TDRD3: variants seen among roughly 807,000 people sequenced by gnomAD.
TDRD3 encodes the protein tudor domain-containing protein 3.
In TDRD3, 45 loss-of-function variants were observed where a neutral mutation model predicts 86.7. That is an observed-to-expected ratio of 0.52 (90% CI 0.41 to 0.67). The LOEUF (loss-of-function observed/expected upper bound fraction) is 0.67. Among genes scored for constraint, TDRD3 ranks in the 30% least tolerant of loss-of-function variants. The pLI is 0.00. For synonymous variants in TDRD3, 298 were observed against 301.7 expected, an observed-to-expected ratio of 0.99 and a Z score of 0.13; for missense variants, 814 against 889.0, an observed-to-expected ratio of 0.92 and a Z score of 1.07.
intron 1 of TDRD3, among the ~76,000 whole-genome samples, chr13:60,413,884 A>G (rs754997821): frequency 1.3e-5 from 2 of 152,180 alleles, no homozygotes; most frequent in Non-Finnish European, 2.9e-5. Flanking sequence ...TAAAAGGTAC[A>G]GGTAGAATAT....
At chr13:60,419,561 C>G (rs563171172) in intron 1 of TDRD3, among the ~76,000 whole-genome samples, 1 of 151,918 alleles carries the variant, frequency 6.6e-6, no homozygotes, top group Non-Finnish European at 1.5e-5. Flanking sequence ...TGTTCTCACT[C>G]ATAGGTGGGA....
chr13:60,440,575 G>A (rs949059092), intron 2 of TDRD3, among the ~76,000 whole-genome samples: 2 of 151,960 alleles, frequency 1.3e-5, no homozygotes, highest in Non-Finnish European at 1.5e-5. Context: ...CAGCTACTCG[G>A]GAGGCTGAGA....
chr13:60,417,151 G>A (rs1384449418), intron 1 of TDRD3, among the ~76,000 whole-genome samples: 1 of 151,390 alleles, frequency 6.6e-6, no homozygotes, highest in Admixed American at 6.6e-5. Context: ...CAAGTAGCTA[G>A]GACTACAGGC....
At chr13:60,539,020 A>T (rs574704077) in intron 12 of TDRD3, among the ~76,000 whole-genome samples, 10 of 152,294 alleles carry the variant, frequency 6.6e-5, no homozygotes, top group African/African-American at 2.4e-4. Flanking sequence ...TTCAGCTATT[A>T]TTTCAACTAG....
At chr13:60,454,008 A>G (rs1407954537) in intron 3 of TDRD3, among the ~76,000 whole-genome samples, 1 of 152,048 alleles carries the variant, frequency 6.6e-6, no homozygotes, top group Non-Finnish European at 1.5e-5. Flanking sequence ...GTATTTACAT[A>G]TTTACAAACA....
chr13:60,405,754 A>G (rs886623259), intron 1 of TDRD3, among the ~76,000 whole-genome samples: 1 of 152,186 alleles, frequency 6.6e-6, no homozygotes, highest in Non-Finnish European at 1.5e-5. Context: ...GGCAATAGGA[A>G]TCAGTTGAAT....
chr13:60,512,731 T>C (rs955457636), intron 10 of TDRD3, among the ~76,000 whole-genome samples: 1 of 152,202 alleles, frequency 6.6e-6, no homozygotes, highest in African/African-American at 2.4e-5. Context: ...ACATCTAGGT[T>C]ATACGGATGA....
intron 12 of TDRD3, among the ~76,000 whole-genome samples, chr13:60,543,507 A>T (rs957626068): frequency 6.6e-6 from 1 of 152,114 alleles, no homozygotes; most frequent in African/African-American, 2.4e-5. Context: ...TTTTTCCTGT[A>T]TAGAACCTAT....
Position 60,509,665 on chromosome 13 carries a change from G to A in TDRD3, c.859-98G>A, listed in dbSNP as rs761171662. ...TAGAATGACATTTTTACATAAGTAT[G>A]GGATGTAATTTTTAGTTAAAAGACA... On this transcript the variant is annotated intron_variant, in intron 8 of 13. Coordinates refer to ENST00000377881, the MANE Select transcript of TDRD3 (RefSeq NM_001146070.2). The A allele has an allele frequency of 2.2e-6, 3 of 1,390,856 alleles. No individual in the cohort carries two copies. In the African/African-American group the frequency reaches 4.3e-5, roughly 20 times the overall value. 86.2% of individuals were successfully genotyped at this position (1,390,856 alleles called of 1,614,324 possible).
chr13:60,439,005 T>G (rs1955188442), intron 1 of TDRD3, among the ~76,000 whole-genome samples: 1 of 152,146 alleles, frequency 6.6e-6, no homozygotes, highest in African/African-American at 2.4e-5. Context: ...CGAATTTTTT[T>G]CCTTCAGATT....
chr13:60,537,402 T>C (rs1957720480), intron 12 of TDRD3: 1 of 151,992 alleles, frequency 6.6e-6, no homozygotes, highest in Admixed American at 6.6e-5. Context: ...TGTGTGCATA[T>C]AGATGTAAAA....
chr13:60,551,659 T>C (rs1423549746), intron 12 of TDRD3, among the ~76,000 whole-genome samples: 1 of 152,198 alleles, frequency 6.6e-6, no homozygotes, highest in Non-Finnish European at 1.5e-5. Context: ...TTTCAATGTG[T>C]ATTAGTCCGT....
intron 3 of TDRD3, among the ~76,000 whole-genome samples, chr13:60,445,770 TAATATC>T (rs1955383278): frequency 6.6e-6 from 1 of 152,138 alleles, no homozygotes; most frequent in Non-Finnish European, 1.5e-5. Context: ...GAAAAGTAAA[TAATATC>T]AAAGCAGTGT....
intron 10 of TDRD3, among the ~76,000 whole-genome samples, chr13:60,517,004 T>C (rs968417311): frequency 6.6e-6 from 1 of 152,238 alleles, no homozygotes; most frequent in African/African-American, 2.4e-5. Flanking sequence ...TGTTCCATTA[T>C]TTTTATTTTC....
chr13:60,566,256 AAT>A (rs1958456689), intron 12 of TDRD3, among the ~76,000 whole-genome samples: 1 of 152,004 alleles, frequency 6.6e-6, no homozygotes, highest in Non-Finnish European at 1.5e-5. Context: ...AAGTGGAAAT[AAT>A]AGTTCTTTTT....
At chr13:60,556,126 G>A (rs1228811699) in intron 12 of TDRD3, among the ~76,000 whole-genome samples, 3 of 152,144 alleles carry the variant, frequency 2.0e-5, no homozygotes, top group Non-Finnish European at 4.4e-5. Flanking sequence ...GATTACAGGC[G>A]TGAGCCACCG....
intron 10 of TDRD3, among the ~76,000 whole-genome samples, chr13:60,512,495 T>G (rs1423587697): frequency 6.6e-6 from 1 of 152,086 alleles, no homozygotes; most frequent in African/African-American, 2.4e-5. Context: ...GTCCAAAGTC[T>G]CATCTGAGAC....
At chr13:60,514,238 A>G (rs888572939) in intron 10 of TDRD3, among the ~76,000 whole-genome samples, 6 of 152,148 alleles carry the variant, frequency 3.9e-5, no homozygotes, top group African/African-American at 1.2e-4. Flanking sequence ...AACTTGAGAG[A>G]GATGATTTAG....
At chr13:60,397,832 G>GGACGAACGCGGCCGGAGCCC (rs1953975407) in intron 1 of TDRD3, among the ~76,000 whole-genome samples, 1 of 152,080 alleles carries the variant, frequency 6.6e-6, no homozygotes. Flanking sequence ...CGGCGGAGAG[G>GGACGAACGCGGCCGGAGCCC]GACGAACGCG....
Sources: allele counts gnomAD v4.1 joint callset (sites outside exome capture counted in the v4.1 genomes callset), GRCh38; gene constraint gnomAD v4.1.1; transcripts MANE v1.5; gene names NCBI Gene and HGNC (gene_info 2026-07-23, HGNC 2026-07-21).